SLAMF9: variants seen among roughly 807,000 people sequenced by gnomAD.
The protein encoded by SLAMF9 is SLAM family member 9.
Under a neutral mutation model 30.4 loss-of-function variants are expected in SLAMF9, and 25 were observed. The observed-to-expected ratio is 0.82, with a 90% CI of 0.60 to 1.15. The LOEUF (loss-of-function observed/expected upper bound fraction) is 1.15, where lower values mean the gene tolerates loss of function less well. SLAMF9 is among the 50% of genes most tolerant of loss of function. The probability of loss-of-function intolerance (pLI) is 0.00; values close to 1 mark genes in which losing one functional copy is unlikely to be tolerated. For synonymous variants in SLAMF9, 129 were observed against 127.2 expected (o/e 1.01, Z -0.09); for missense variants, 344 against 346.1 (o/e 0.99, Z 0.05).
At chr1:159,960,913 G>C in the SLAMF9 span, among the ~76,000 whole-genome samples, 3 of 152,176 alleles carry the variant, frequency 2.0e-5, no homozygotes, top group Admixed American at 6.5e-5. Flanking sequence ...TCTGAGGCAT[G>C]TTCTCCCTGG....
the SLAMF9 span, among the ~76,000 whole-genome samples, chr1:159,970,892 CAT>C: frequency 6.6e-6 from 1 of 152,166 alleles, no homozygotes; most frequent in African/African-American, 2.4e-5. Flanking sequence ...AGGAAGGACA[CAT>C]ATTAAAATCA....
the SLAMF9 span, chr1:159,973,693 G>T: frequency 1.9e-6 from 2 of 1,060,030 alleles, no homozygotes; most frequent in East Asian, 5.0e-5. Context: ...CCCAGCATGA[G>T]GGGCAGCCAG....
At chr1:159,964,155 A>G in the SLAMF9 span, among the ~76,000 whole-genome samples, 1,657 of 152,212 alleles carry the variant, frequency 0.011, 15 homozygotes, top group South Asian at 0.033. Context: ...GAATCCACCT[A>G]CTTATCAAGG....
the SLAMF9 span, among the ~76,000 whole-genome samples, chr1:159,979,569 C>T: frequency 1.5e-4 from 23 of 150,968 alleles, no homozygotes; most frequent in South Asian, 2.1e-4. Flanking sequence ...AGTCAAGGTA[C>T]GGTAGACAAA....
At chr1:159,973,986 T>C in the SLAMF9 span, 2 of 1,610,334 alleles carry the variant, frequency 1.2e-6, no homozygotes, top group Non-Finnish European at 1.7e-6. Context: ...CAGTGGTGTA[T>C]TCTTCCATCC....
upstream of SLAMF9, among the ~76,000 whole-genome samples, chr1:159,957,683 A>G (rs1366277753): frequency 2.0e-5 from 3 of 152,370 alleles, no homozygotes; most frequent in East Asian, 3.9e-4. Flanking sequence ...AGATAGTTGT[A>G]TAAGACAACA....
the SLAMF9 span, chr1:159,976,989 G>GGAAAGAAGGAAA: frequency 6.8e-5 from 3 of 44,136 alleles, no homozygotes; most frequent in African/African-American, 1.8e-4. Flanking sequence ...AAGGAAAGAA[G>GGAAAGAAGGAAA]GAAAGAAAGA....
chr1:159,951,759 G>A lies in SLAMF9; in HGVS notation c.772C>T (p.Arg258Ter), dbSNP rs182177421. ...GGCATTTTGTGTCTTTTCTGGACTC[G>A]GATGACCCAGAGTCCCATGGCCAGA... ...VILAMGLWVI[R>*]VQKRHKMPRM... The change falls in exon 4 of 4, where the codon CGA (arginine) becomes TGA (stop). Residue 258 changes from arginine (R) to a stop codon, truncating the protein, a stop_gained. Coordinates refer to ENST00000368093, the MANE Select transcript of SLAMF9 (RefSeq NM_033438.4). LOFTEE classifies it high-confidence loss of function. 6.0e-5 allele frequency: 97 copies of A among 1,614,042 alleles called. No homozygotes were observed. Among genetic ancestry groups the A allele is most frequent in the Admixed American group, 1.2e-4 (7 of 60,012 alleles).
the SLAMF9 span, chr1:159,983,492 C>T: frequency 6.6e-6 from 1 of 152,120 alleles, no homozygotes; most frequent in African/African-American, 2.4e-5. Context: ...CTGACCACTC[C>T]TTGGTTTGTT....
At chr1:159,976,912 A>AAAAG in the SLAMF9 span, 43 of 59,588 alleles carry the variant, frequency 7.2e-4, 1 homozygote, top group African/African-American at 2.2e-3. Flanking sequence ...AGGAAAGAAA[A>AAAAG]AAAGAAAGAA....
intron 2 of SLAMF9, 134 bp downstream of exon 2, chr1:159,953,175 C>T (rs1651819416): frequency 1.4e-6 from 1 of 711,246 alleles, no homozygotes; most frequent in Non-Finnish European, 2.3e-6. Flanking sequence ...ATCACAGTAT[C>T]TAGATTGGAG....
chr1:159,973,445 G>C, the SLAMF9 span, among the ~76,000 whole-genome samples: 2 of 152,154 alleles, frequency 1.3e-5, no homozygotes, highest in African/African-American at 4.8e-5. Context: ...CACAAGCTCT[G>C]AAATGACTCC....
chr1:159,965,019 G>T, the SLAMF9 span, among the ~76,000 whole-genome samples: 4 of 152,156 alleles, frequency 2.6e-5, no homozygotes, highest in South Asian at 2.1e-4. Flanking sequence ...TCCCAGAGTT[G>T]ATCAGAATCT....
chr1:159,952,974 G>A (rs1342205424), intron 2 of SLAMF9, among the ~76,000 whole-genome samples: 1 of 152,168 alleles, frequency 6.6e-6, no homozygotes, highest in Non-Finnish European at 1.5e-5. Flanking sequence ...TCATCACACA[G>A]GGAAATAAAA....
chr1:159,966,341 T>C, the SLAMF9 span, among the ~76,000 whole-genome samples: 2 of 152,228 alleles, frequency 1.3e-5, no homozygotes, highest in African/African-American at 4.8e-5. Context: ...TCATTTTCTT[T>C]ATCTATTTAT....
the SLAMF9 span, among the ~76,000 whole-genome samples, chr1:159,970,470 T>C: frequency 6.6e-6 from 1 of 152,252 alleles, no homozygotes. Context: ...GCCATTTCTC[T>C]GAGCAGCCCT....
chr1:159,967,560 G>A, the SLAMF9 span, among the ~76,000 whole-genome samples: 3 of 152,016 alleles, frequency 2.0e-5, no homozygotes, highest in African/African-American at 7.2e-5. Context: ...TGTTATTTTT[G>A]CTCAAAATTG....
At position 159,954,151 on chromosome 1, in the gene SLAMF9, A is replaced by G. The variant is rs1207546473; in HGVS notation, c.-14T>C. 6.2e-7 allele frequency: 1 copy of G among 1,614,052 alleles called. No homozygotes were observed. The highest frequency in any genetic ancestry group is 8.5e-7 in the Non-Finnish European group (1 of 1,179,958). On this transcript the variant is annotated 5_prime_UTR_variant, in exon 1 of 4. Coordinates refer to ENST00000368093, the MANE Select transcript of SLAMF9 (RefSeq NM_033438.4). The stretch of plus-strand genomic sequence containing the variant: ...AAAGGCACACATGTCAGCAGCCCCC[A>G]GCCCCAGAGGTGTGATTCAGTCAGT...
upstream of SLAMF9, among the ~76,000 whole-genome samples, chr1:159,957,492 C>T (rs1041877165): frequency 4.6e-5 from 7 of 151,918 alleles, no homozygotes; most frequent in African/African-American, 1.2e-4. Flanking sequence ...GGTGTGGTGG[C>T]GGGCGCCTGT....
Sources: gnomAD v4.1 joint callset for allele counts (sites outside exome capture counted in the v4.1 genomes callset) on GRCh38, gnomAD v4.1.1 for gene constraint, MANE v1.5 for transcripts, NCBI Gene and HGNC (gene_info 2026-07-23, HGNC 2026-07-21) for gene names.